TBC1D1: variants seen among roughly 807,000 people sequenced by gnomAD.
TBC1D1 encodes the protein TBC1 domain family member 1, also known as TBC1 (tre-2/USP6, BUB2, cdc16) domain family, member 1.
In TBC1D1, 89 loss-of-function variants were observed where a neutral mutation model predicts 125.6. The ratio of observed to expected loss-of-function variants is 0.71; its 90% confidence interval spans 0.60 to 0.85. The LOEUF (loss-of-function observed/expected upper bound fraction) is 0.85, where lower values mean the gene tolerates loss of function less well. Ranked by LOEUF, TBC1D1 falls within the 40% of genes least tolerant of loss-of-function variation. The pLI is 0.00. For synonymous variants in TBC1D1, 565 were observed against 564.1 expected (o/e 1.00, Z -0.02); for missense variants, 1,377 against 1,469.2 (o/e 0.94, Z 1.03).
At chr4:37,915,856 C>G (rs1190361781) in intron 2 of TBC1D1, among the ~76,000 whole-genome samples, 1 of 152,142 alleles carries the variant, frequency 6.6e-6, no homozygotes, top group Non-Finnish European at 1.5e-5. Context: ...GAGTTTTGTT[C>G]ATGGGGTAAT....
chr4:37,926,055 A>G (rs544733158), intron 2 of TBC1D1, among the ~76,000 whole-genome samples: 30 of 152,358 alleles, frequency 2.0e-4, no homozygotes, highest in African/African-American at 7.0e-4. Flanking sequence ...ATGATTATCC[A>G]TCATCATTAG....
chr4:38,060,659 G>A (rs766251968), intron 12 of TBC1D1: 20 of 1,288,660 alleles, frequency 1.6e-5, no homozygotes, highest in Non-Finnish European at 1.8e-5. Context: ...TGTACTGAAG[G>A]TAAAGCAGAT....
intron 2 of TBC1D1, chr4:38,006,984 G>C (rs553402406): frequency 1.4e-5 from 6 of 428,440 alleles, no homozygotes; most frequent in Admixed American, 8.0e-5. Flanking sequence ...CTTGGCCAAG[G>C]GTGGTTCACT....
At chr4:37,992,855 A>C (rs1578186357) in intron 2 of TBC1D1, among the ~76,000 whole-genome samples, 1 of 137,710 alleles carries the variant, frequency 7.3e-6, no homozygotes, top group Admixed American at 7.7e-5. Context: ...CCTAGGCTGG[A>C]GTGCAGTGGC....
intron 2 of TBC1D1, among the ~76,000 whole-genome samples, chr4:37,938,488 G>A (rs1724859073): frequency 6.6e-6 from 1 of 151,968 alleles, no homozygotes; most frequent in African/African-American, 2.4e-5. Context: ...ACAGAGAATG[G>A]TTGTTCAAAT....
intron 13 of TBC1D1, among the ~76,000 whole-genome samples, chr4:38,094,883 C>CA (rs528226098): frequency 0.058 from 3,544 of 60,730 alleles, 54 homozygotes; most frequent in South Asian, 0.11. Flanking sequence ...AAATCACAGC[C>CA]AAAAAAAAAA....
chr4:37,925,378 A>G (rs1050191427), intron 2 of TBC1D1, among the ~76,000 whole-genome samples: 1 of 152,186 alleles, frequency 6.6e-6, no homozygotes, highest in African/African-American at 2.4e-5. Flanking sequence ...GGTGGAAGGA[A>G]CAAAGAAACA....
chr4:38,039,104 CTTTTTTTTTTTT>C (rs776941680), intron 8 of TBC1D1, among the ~76,000 whole-genome samples: 529 of 51,512 alleles, frequency 0.01, 7 homozygotes, highest in African/African-American at 0.027. Flanking sequence ...GCATCATACT[CTTTTTTTTTTTT>C]TTTTTTTTTT....
chr4:38,078,264 CATGCCTTTCCATCGTAATA>C (rs1755938310), intron 12 of TBC1D1, among the ~76,000 whole-genome samples: 1 of 152,222 alleles, frequency 6.6e-6, no homozygotes, highest in African/African-American at 2.4e-5. Flanking sequence ...AAGGCCATCC[CATGCCTTTCCATCGTAATA>C]AAGCCTTGTT....
chr4:38,001,016 C>T (rs770773229), intron 2 of TBC1D1, among the ~76,000 whole-genome samples: 1 of 152,042 alleles, frequency 6.6e-6, no homozygotes, highest in Non-Finnish European at 1.5e-5. Flanking sequence ...GTCAGGAGAT[C>T]GAGACCATCC....
Position 38,083,379 on chromosome 4 carries a change from G to A in TBC1D1, c.2051-6553G>A, listed in dbSNP as rs144182439. ...GACAAAATGGGTCATTATCAGTGAT[G>A]AGTTAATAATTACCTGCACATCTTG... is the stretch of plus-strand genomic sequence containing the variant. On this transcript the variant is annotated intron_variant, in intron 12 of 19. Coordinates refer to ENST00000261439, the MANE Select transcript of TBC1D1 (RefSeq NM_015173.4). 9.4e-3 allele frequency among the ~76,000 whole-genome samples: 1,434 copies of A among 152,252 alleles called. 12 individuals carry two copies. The highest frequency in any genetic ancestry group is 0.012 in the Non-Finnish European group (800 of 68,006).
intron 2 of TBC1D1, among the ~76,000 whole-genome samples, chr4:37,983,020 C>T (rs1181393597): frequency 2.6e-5 from 4 of 151,428 alleles, no homozygotes; most frequent in East Asian, 1.9e-4. Context: ...GTAGCAGAGG[C>T]GAATGAGGAC....
At chr4:37,987,057 G>A (rs778906787) in intron 2 of TBC1D1, among the ~76,000 whole-genome samples, 5 of 152,178 alleles carry the variant, frequency 3.3e-5, no homozygotes, top group Non-Finnish European at 7.4e-5. Context: ...GGGAGATGGG[G>A]TAGGTGTGTG....
intron 18 of TBC1D1, 94 bp downstream of exon 20, chr4:38,125,225 T>A (rs1210600117): frequency 1.5e-6 from 2 of 1,298,368 alleles, no homozygotes; most frequent in Non-Finnish European, 2.2e-6. Flanking sequence ...CCTACCACTT[T>A]GTGTTCTGAA....
At chr4:38,049,512 G>A in intron 10 of TBC1D1, 106 bp from the exon 11 acceptor site, 1 of 1,360,476 alleles carries the variant, frequency 7.4e-7, no homozygotes. Context: ...ATTATAATCA[G>A]AACACATACT....
At chr4:37,996,648 T>C (rs74919722) in intron 2 of TBC1D1, among the ~76,000 whole-genome samples, 1 of 152,380 alleles carries the variant, frequency 6.6e-6, no homozygotes, top group African/African-American at 2.4e-5. Flanking sequence ...AAATTGTAAA[T>C]AATTGATAGT....
At chr4:38,018,192 G>C (rs6833071) in intron 3 of TBC1D1, among the ~76,000 whole-genome samples, 162 bp from the exon 4 acceptor site, 60,016 of 152,004 alleles carry the variant, frequency 0.39, 12,242 homozygotes, top group East Asian at 0.6. Context: ...TAATAGATGT[G>C]TCTTATGACC....
At chr4:38,093,786 G>C (rs1009540564) in intron 13 of TBC1D1, among the ~76,000 whole-genome samples, 1 of 151,968 alleles carries the variant, frequency 6.6e-6, no homozygotes, top group African/African-American at 2.4e-5. Context: ...TCCCACCTTG[G>C]CCTCCCAAAG....
chr4:37,985,184 T>G (rs1735193185), intron 2 of TBC1D1, among the ~76,000 whole-genome samples: 1 of 152,114 alleles, frequency 6.6e-6, no homozygotes, highest in Non-Finnish European at 1.5e-5. Flanking sequence ...TAAGCTCCTA[T>G]CCTTGTGATC....
Sources: allele counts gnomAD v4.1 joint callset (sites outside exome capture counted in the v4.1 genomes callset), GRCh38; gene constraint gnomAD v4.1.1; transcripts MANE v1.5; gene names NCBI Gene and HGNC (gene_info 2026-07-23, HGNC 2026-07-21).